The following EVL variants were observed in gnomAD, a reference collection of about 807,000 sequenced individuals.
The protein encoded by EVL is ena/VASP-like protein.
EVL carries 21 observed loss-of-function variants against 59.6 expected under a neutral mutation model. The ratio of observed to expected loss-of-function variants is 0.35; its 90% CI spans 0.25 to 0.51. The LOEUF is 0.51. EVL is among the 20% of genes least tolerant of loss of function. The pLI is 0.97. For synonymous variants in EVL, 198 were observed against 203.5 expected (o/e 0.97, Z 0.23); for missense variants, 462 against 546.6 (o/e 0.85, Z 1.54).
chr14:100,138,043 CAG>C, intron 11 of EVL: 4 of 577,290 alleles, frequency 6.9e-6, no homozygotes, highest in East Asian at 2.9e-5. Context: ...AGAGGTAGTG[CAG>C]GGGGGGGCCA....
chr14:100,126,615 TGAAGCCGGGGCCGGCGG>T, intron 4 of EVL, 75 bp from the exon 5 acceptor site: 1 of 1,430,558 alleles, frequency 7.0e-7, no homozygotes, highest in Non-Finnish European at 9.7e-7. Flanking sequence ...AACCTGACTC[TGAAGCCGGGGCCGGCGG>T]GTACAGCACA....
intron 3 of EVL, among the ~76,000 whole-genome samples, chr14:100,099,763 CAG>C (rs1467478644): frequency 6.7e-6 from 1 of 148,302 alleles, no homozygotes; most frequent in East Asian, 2.0e-4. Context: ...TTAGTAGAGA[CAG>C]AGTTTCACTA....
At chr14:100,011,137 AGAT>A (rs1434815353) in intron 1 of EVL, among the ~76,000 whole-genome samples, 1 of 152,230 alleles carries the variant, frequency 6.6e-6, no homozygotes, top group Non-Finnish European at 1.5e-5. Flanking sequence ...TCATTGGAAT[AGAT>A]GATAAGCTAT....
At chr14:100,097,713 G>T (rs1304912553) in intron 3 of EVL, 55 bp downstream of exon 3, 1 of 1,515,930 alleles carries the variant, frequency 6.6e-7, no homozygotes, top group Non-Finnish European at 8.9e-7. Context: ...TTCTACCTCT[G>T]CCCTCCCACA....
At chr14:100,047,820 C>T (rs959782225) in intron 1 of EVL, among the ~76,000 whole-genome samples, 2 of 152,054 alleles carry the variant, frequency 1.3e-5, no homozygotes, top group African/African-American at 4.8e-5. Flanking sequence ...TAGGTCCCGA[C>T]AAAAATGCCA....
At chr14:100,140,358 C>T (rs930026825) in intron 11 of EVL, 5 of 152,270 alleles carry the variant, frequency 3.3e-5, no homozygotes, top group African/African-American at 9.6e-5. Flanking sequence ...CGCCCATAAT[C>T]CCAGCACTCT....
intron 13 of EVL, among the ~76,000 whole-genome samples, chr14:100,143,060 CAT>C (rs1009896966): frequency 8.5e-5 from 13 of 152,112 alleles, no homozygotes; most frequent in African/African-American, 2.7e-4. Context: ...CCTGAGTTGA[CAT>C]AGAGGAGGGG....
chr14:100,070,202 A>G (rs186512146), intron 1 of EVL, among the ~76,000 whole-genome samples: 3 of 152,330 alleles, frequency 2.0e-5, no homozygotes, highest in Non-Finnish European at 4.4e-5. Flanking sequence ...CAGCAGTTCA[A>G]GCCTGCAGTG....
At chr14:100,075,551 AC>A (rs2062142584) in intron 1 of EVL, among the ~76,000 whole-genome samples, 1 of 152,002 alleles carries the variant, frequency 6.6e-6, no homozygotes, top group African/African-American at 2.4e-5. Context: ...CCTTATTAAC[AC>A]ACTTGGCAGC....
intron 1 of EVL, among the ~76,000 whole-genome samples, chr14:100,003,350 C>T (rs759853344): frequency 6.6e-6 from 1 of 152,166 alleles, no homozygotes; most frequent in Non-Finnish European, 1.5e-5. Flanking sequence ...CTCAGTGTCA[C>T]AAGGACTTTA....
intron 1 of EVL, chr14:100,074,858 G>C (rs892405858): frequency 6.5e-6 from 1 of 153,394 alleles, no homozygotes; most frequent in African/African-American, 2.4e-5. Flanking sequence ...AGGGCAAGAA[G>C]TCTGTGGCAA....
At chr14:99,982,688 T>C (rs188063105) in intron 1 of EVL, among the ~76,000 whole-genome samples, 1 of 152,320 alleles carries the variant, frequency 6.6e-6, no homozygotes, top group African/African-American at 2.4e-5. Context: ...CGAAGATGCA[T>C]TGTCTTTGTC....
chr14:100,053,921 A>G (rs1386651057), intron 1 of EVL, among the ~76,000 whole-genome samples: 7 of 152,148 alleles, frequency 4.6e-5, no homozygotes, highest in Admixed American at 3.9e-4. Context: ...TGTTGAGAAT[A>G]CAGGCGTGAG....
intron 1 of EVL, among the ~76,000 whole-genome samples, chr14:100,026,984 G>T (rs1394787847): frequency 6.6e-6 from 1 of 152,154 alleles, no homozygotes; most frequent in East Asian, 1.9e-4. Flanking sequence ...ACCAGGGAGA[G>T]AGAATAGAGC....
intron 1 of EVL, among the ~76,000 whole-genome samples, chr14:100,017,860 C>T (rs986690187): frequency 1.1e-4 from 16 of 152,178 alleles, no homozygotes; most frequent in African/African-American, 3.4e-4. Flanking sequence ...CAGTCGGCCT[C>T]GTTTGGCCTT....
intron 3 of EVL, among the ~76,000 whole-genome samples, chr14:100,119,155 C>T (rs368884050): frequency 2.6e-5 from 4 of 152,230 alleles, no homozygotes; most frequent in African/African-American, 7.2e-5. Flanking sequence ...CCTGAAATTT[C>T]CCTTTCTCTT....
At chr14:100,081,916 A>G (rs1307400109) in intron 1 of EVL, among the ~76,000 whole-genome samples, 1 of 152,226 alleles carries the variant, frequency 6.6e-6, no homozygotes, top group Non-Finnish European at 1.5e-5. Context: ...CCTGGGCAAC[A>G]TGGTAAAACC....
intron 1 of EVL, among the ~76,000 whole-genome samples, chr14:100,002,120 C>G (rs2060949601): frequency 1.3e-5 from 2 of 152,104 alleles, no homozygotes; most frequent in Admixed American, 1.3e-4. Context: ...AGCAAAAAGT[C>G]AAAAAGATAA....
intron 1 of EVL, among the ~76,000 whole-genome samples, chr14:99,992,537 G>T (rs1305587677): frequency 2.6e-5 from 4 of 152,122 alleles, no homozygotes; most frequent in African/African-American, 9.7e-5. Context: ...TTTCCGCCAC[G>T]TTTTCTTTTA....
Sources: gnomAD v4.1 joint callset for allele counts (sites outside exome capture counted in the v4.1 genomes callset) on GRCh38, gnomAD v4.1.1 for gene constraint, MANE v1.5 for transcripts, NCBI Gene and HGNC (gene_info 2026-07-23, HGNC 2026-07-21) for gene names.